SLC35F3: variants seen among roughly 807,000 people sequenced by gnomAD.
SLC35F3 encodes the protein solute carrier family 35 member F3, also known as putative thiamine transporter SLC35F3.
A neutral mutation model predicts 49.9 loss-of-function variants in SLC35F3; 25 were observed. The observed-to-expected ratio is 0.50, with a 90% CI of 0.37 to 0.70. The LOEUF (loss-of-function observed/expected upper bound fraction) is 0.70, where lower values mean the gene tolerates loss of function less well. SLC35F3 is among the 30% of genes least tolerant of loss of function. The pLI is 0.00. For missense variants in SLC35F3, 525 were observed against 639.8 expected, an observed-to-expected ratio of 0.82 and a Z score of 1.94; for synonymous variants, 275 against 265.4, an observed-to-expected ratio of 1.04 and a Z score of -0.35.
chr1:234,069,108 A>G (rs1224996093), intron 2 of SLC35F3, among the ~76,000 whole-genome samples: 5 of 127,048 alleles, frequency 3.9e-5, no homozygotes, highest in Admixed American at 3.7e-4. Context: ...ATTATAATAT[A>G]TTGTATATTT....
chr1:233,963,590 C>T (rs958027868), intron 2 of SLC35F3, among the ~76,000 whole-genome samples: 6 of 151,984 alleles, frequency 3.9e-5, no homozygotes, highest in African/African-American at 9.7e-5. Context: ...CATGAGCCAC[C>T]GTGCCCGGCC....
chr1:234,254,967 C>G (rs949963740), intron 3 of SLC35F3, among the ~76,000 whole-genome samples: 1 of 152,142 alleles, frequency 6.6e-6, no homozygotes, highest in Non-Finnish European at 1.5e-5. Flanking sequence ...ACAGATATGA[C>G]CAAGGTCTTT....
chr1:234,185,023 G>A (rs13328660), intron 2 of SLC35F3, among the ~76,000 whole-genome samples: 12,043 of 152,184 alleles, frequency 0.079, 1,325 homozygotes, highest in African/African-American at 0.25. Flanking sequence ...CAGTCCCTGC[G>A]AAAAAGCAAC....
At chr1:233,950,385 CAAA>C (rs58271294) in intron 2 of SLC35F3, among the ~76,000 whole-genome samples, 1 of 31,380 alleles carries the variant, frequency 3.2e-5, no homozygotes, top group Non-Finnish European at 6.2e-5. Context: ...GACTCTGTCT[CAAA>C]AAAAAAAAAA....
chr1:234,048,557 GATC>G (rs1253324079), intron 2 of SLC35F3, among the ~76,000 whole-genome samples: 2 of 151,650 alleles, frequency 1.3e-5, no homozygotes, highest in Non-Finnish European at 2.9e-5. Context: ...TCCACCATGG[GATC>G]ATGGGTCAAA....
At position 234,179,341 on chromosome 1, in the gene SLC35F3, G is replaced by A. The variant is rs186315133; in HGVS notation, c.284-52076G>A. Among the ~76,000 whole-genome samples, 44 of 152,276 alleles carry A rather than the reference G, an allele frequency of 2.9e-4. No individual in the cohort carries two copies. The Middle Eastern group carries it at 0.01, about 35-fold the overall frequency. On this transcript the variant is annotated intron_variant, in intron 2 of 7. Transcript: ENST00000366618. The stretch of plus-strand genomic sequence containing the variant: ...AGACTTTGTTTTATAAAACAAATCT[G>A]AATACTTGGGAGAGCAGGTTTAGCT...
intron 2 of SLC35F3, among the ~76,000 whole-genome samples, chr1:233,937,925 A>C (rs949584647): frequency 2.0e-5 from 3 of 152,104 alleles, no homozygotes; most frequent in African/African-American, 7.2e-5. Flanking sequence ...TGACTTGTTA[A>C]TGTTCAGGTA....
intron 2 of SLC35F3, among the ~76,000 whole-genome samples, chr1:234,019,989 C>T (rs76613972): frequency 0.033 from 5,035 of 152,240 alleles, 257 homozygotes; most frequent in African/African-American, 0.11. Context: ...GGCCTGATAA[C>T]TGTTGATCCA....
chr1:234,033,950 T>C (rs190823226), intron 2 of SLC35F3, among the ~76,000 whole-genome samples: 72 of 152,328 alleles, frequency 4.7e-4, no homozygotes, highest in African/African-American at 1.5e-3. Context: ...TCTGGCAGTG[T>C]GGTAATTTTC....
intron 2 of SLC35F3, among the ~76,000 whole-genome samples, chr1:234,146,463 G>A (rs1414270926): frequency 8.3e-6 from 1 of 120,498 alleles, no homozygotes; most frequent in African/African-American, 3.1e-5. Flanking sequence ...TAAAATAAAA[G>A]TTACCAAGAT....
rs1667361102 is a variant in SLC35F3, at chr1:234,231,076, G to T, written c.284-341G>T. ...TCTGGAGGAGTGTTTCCCAAAGCAC[G>T]CAGATCACCTGAGGAATGCAGGTTC... On this transcript the variant is annotated intron_variant, in intron 2 of 7. Coordinates refer to ENST00000366618, the MANE Select transcript of SLC35F3 (RefSeq NM_173508.4). The surrounding 1 kb of genome is among the most constrained non-coding windows in gnomAD (Gnocchi z 5.4). Among the ~76,000 whole-genome samples, 1 of 152,196 alleles carries T rather than the reference G, an allele frequency of 6.6e-6. No homozygotes were observed.
chr1:234,316,095 GC>G (rs1657484472), intron 4 of SLC35F3, among the ~76,000 whole-genome samples: 2 of 152,196 alleles, frequency 1.3e-5, no homozygotes, highest in Admixed American at 1.3e-4. Flanking sequence ...ATTCTGTCAG[GC>G]CCCACTGCTG....
chr1:234,049,187 T>A (rs1664337160), intron 2 of SLC35F3, among the ~76,000 whole-genome samples: 1 of 152,206 alleles, frequency 6.6e-6, no homozygotes, highest in Admixed American at 6.5e-5. Context: ...CTGGAAGTGC[T>A]AGGGGTGGAA....
intron 2 of SLC35F3, among the ~76,000 whole-genome samples, chr1:234,084,624 C>G (rs1003738396): frequency 6.6e-6 from 1 of 152,158 alleles, no homozygotes; most frequent in African/African-American, 2.4e-5. Context: ...CAAAGAAGAT[C>G]TTGATTGACT....
At chr1:234,015,478 A>G (rs114112383) in intron 2 of SLC35F3, among the ~76,000 whole-genome samples, 4,633 of 152,262 alleles carry the variant, frequency 0.03, 212 homozygotes, top group African/African-American at 0.1. Context: ...CTTATGGAAC[A>G]GAATAGAGAG....
At chr1:234,058,708 T>C (rs142856409) in intron 2 of SLC35F3, among the ~76,000 whole-genome samples, 1 of 152,342 alleles carries the variant, frequency 6.6e-6, no homozygotes, top group East Asian at 1.9e-4. Context: ...AGAAGTATCA[T>C]TCTATAGTTT....
chr1:234,040,874 C>T (rs1664209750), intron 2 of SLC35F3, among the ~76,000 whole-genome samples: 1 of 152,232 alleles, frequency 6.6e-6, no homozygotes, highest in African/African-American at 2.4e-5. Flanking sequence ...GGGCCTGCCA[C>T]ATAGAAGGCA....
chr1:234,014,800 A>G (rs766053160), intron 2 of SLC35F3, among the ~76,000 whole-genome samples: 22 of 152,234 alleles, frequency 1.4e-4, no homozygotes, highest in Non-Finnish European at 2.8e-4. Flanking sequence ...GTTGAAAACT[A>G]TAAAGATCAT....
intron 2 of SLC35F3, among the ~76,000 whole-genome samples, chr1:233,950,541 T>G (rs1419960060): frequency 7.0e-6 from 1 of 142,034 alleles, no homozygotes; most frequent in Non-Finnish European, 1.5e-5. Flanking sequence ...CTTCCTTCCC[T>G]CCTTCACTCT....
Sources: gnomAD v4.1 joint callset for allele counts (sites outside exome capture counted in the v4.1 genomes callset) on GRCh38, gnomAD v4.1.1 for gene constraint, Gnocchi (gnomAD v3.1) non-coding constraint, MANE v1.5 for transcripts, NCBI Gene and HGNC (gene_info 2026-07-23, HGNC 2026-07-21) for gene names.